Variants in ARSF observed in about 807,000 individuals in gnomAD.
ARSF encodes the protein arylsulfatase F.
ARSF carries 33 observed loss-of-function variants against 35.4 expected under a neutral mutation model. That is an observed-to-expected ratio of 0.93 (90% CI 0.71 to 1.25). The LOEUF (loss-of-function observed/expected upper bound fraction) is 1.25, where lower values mean the gene tolerates loss of function less well. ARSF is among the 50% of genes most tolerant of loss of function. ARSF has a pLI of 0.00. For synonymous variants in ARSF, 222 were observed against 193.1 expected, an observed-to-expected ratio of 1.15 and a Z score of -1.24; for missense variants, 501 against 480.2, an observed-to-expected ratio of 1.04 and a Z score of -0.40.
chrX:3,100,904 G>GT (rs2090371663), intron 7 of ARSF, among the ~76,000 whole-genome samples, 183 bp from the exon 8 acceptor site: 1 of 111,874 alleles, frequency 8.9e-6, no homozygotes, highest in East Asian at 2.8e-4. Flanking sequence ...CTGACTCTCA[G>GT]TTTTTTTCTC....
In ARSF at chrX:3,054,767, G is replaced by A. The variant is rs968169217; in HGVS notation, c.-29+13104G>A. ...TTTTTTTTTTTGGTAGAGTTTTGCT[G>A]TTGTTGCCCAGGCTGGAGTGCAACG... On this transcript the variant is annotated intron_variant, in intron 1 of 10. Coordinates refer to ENST00000381127, the MANE Select transcript of ARSF (RefSeq NM_001201539.2). Among the ~76,000 whole-genome samples the A allele has an allele frequency of 2.8e-5, 3 of 105,586 alleles. No individual in the cohort carries two copies. The Admixed American group carries it at 3.1e-4, about 11-fold the overall frequency. The allele number at this position is 105,586 out of a possible 115,157, so 91.7% of individuals were successfully genotyped here.
chrX:3,102,710 C>T (rs778412405), intron 8 of ARSF, among the ~76,000 whole-genome samples: 7 of 111,661 alleles, frequency 6.3e-5, no homozygotes, highest in South Asian at 3.8e-4. Context: ...GTCAAGAGAT[C>T]GAGACCATCT....
At chrX:3,110,527 C>T (rs901650620) in intron 10 of ARSF, among the ~76,000 whole-genome samples, 1 of 112,272 alleles carries the variant, frequency 8.9e-6, no homozygotes, top group South Asian at 3.7e-4. Context: ...TTTTACTTAT[C>T]GATTACACTT....
rs1447180337 is a variant in ARSF at position 3,084,352 on chromosome X, C to T, written c.516C>T (p.Ser172=). 8 of 1,209,960 alleles carry T rather than the reference C, an allele frequency of 6.6e-6. No homozygotes were observed. Among genetic ancestry groups the T allele is most frequent in the Admixed American group, 4.4e-5 (2 of 45,624 alleles). Residue 172 remains serine, a synonymous_variant, in exon 6 of 11, where the codon AGC becomes AGT. Coordinates refer to ENST00000381127, the MANE Select transcript of ARSF (RefSeq NM_001201539.2). Reference sequence around the variant, plus strand: ...GCATGCCGTTCACTCTCGTTGACAGCTGCTGGCCGGACCCCTCTCGTAACA... The same window carrying T: ...GCATGCCGTTCACTCTCGTTGACAGTTGCTGGCCGGACCCCTCTCGTAACA... The part of the protein sequence containing the change: ...YYGMPFTLVD[S]CWPDPSRNTE...
intron 7 of ARSF, among the ~76,000 whole-genome samples, chrX:3,094,060 C>A (rs2090322365): frequency 8.9e-6 from 1 of 112,025 alleles, no homozygotes; most frequent in Admixed American, 9.5e-5. Context: ...GCCTTTCCAG[C>A]TGGTATAATA....
chrX:3,065,797 A>G (rs73439657), intron 1 of ARSF, among the ~76,000 whole-genome samples: 8,307 of 111,263 alleles, frequency 0.075, 426 homozygotes, highest in African/African-American at 0.19. Flanking sequence ...TCTCTGGTCT[A>G]ATGCAAGATC....
chrX:3,112,637 CT>C lies in ARSF; in HGVS notation c.*84del. On this transcript the variant is annotated 3_prime_UTR_variant, in exon 11 of 11. Transcript: ENST00000381127. ...ATCAGGCTACCAAAGGAAGCACTAACTTTGGTGCTTTCAAGTTGGCAAGGAG... is the reference window on the plus strand; with the variant it reads ...ATCAGGCTACCAAAGGAAGCACTAACTTGGTGCTTTCAAGTTGGCAAGGAG... 4.7e-6 allele frequency: 5 copies of C among 1,059,360 alleles called. No individual in the cohort carries two copies. Among genetic ancestry groups the C allele is most frequent in the Non-Finnish European group, 6.2e-6 (5 of 811,902 alleles). The allele number at this position is 1,059,360 out of a possible 1,213,427, so 87.3% of individuals were successfully genotyped here.
Position 3,074,031 on chromosome X carries a change from A to G in ARSF, c.161+1856A>G, listed in dbSNP as rs762768273. On this transcript the variant is annotated intron_variant, in intron 3 of 10. Coordinates refer to ENST00000381127, the MANE Select transcript of ARSF (RefSeq NM_001201539.2). ...TACACTTTTAAGATCATTGCGTTGT[A>G]TGACTAATAGATGCTGAAGGTAGTC... Among the ~76,000 whole-genome samples the G allele has an allele frequency of 4.2e-4, 46 of 110,723 alleles. 1 individual carries two copies. Among genetic ancestry groups the G allele is most frequent in the African/African-American group, 1.5e-3 (46 of 30,563 alleles).
chrX:3,083,533 TCC>T (rs1358778063), intron 5 of ARSF, among the ~76,000 whole-genome samples: 11 of 108,685 alleles, frequency 1.0e-4, no homozygotes, highest in East Asian at 5.8e-4. Context: ...TATCTATCCA[TCC>T]ATCCATCCAT....
At chrX:3,047,052 G>A (rs1228261979) in intron 1 of ARSF, among the ~76,000 whole-genome samples, 7 of 111,375 alleles carry the variant, frequency 6.3e-5, no homozygotes, top group African/African-American at 1.3e-4. Flanking sequence ...AGCCACGTGC[G>A]GCCCGCGGGC....
chrX:3,101,417 A>G (rs2090375484), intron 8 of ARSF, among the ~76,000 whole-genome samples, 196 bp downstream of exon 8: 1 of 111,937 alleles, frequency 8.9e-6, no homozygotes, highest in Non-Finnish European at 1.9e-5. Context: ...CTGTGGAAGG[A>G]AGCCATTTAT....
At chrX:3,110,298 T>C in intron 10 of ARSF, 46 bp downstream of exon 10, 3 of 1,105,466 alleles carry the variant, frequency 2.7e-6, no homozygotes, top group South Asian at 4.9e-5. Context: ...AGGAGCAGGG[T>C]CACTCAGGTG....
chrX:3,079,449 A>T (rs1353561523), intron 4 of ARSF, among the ~76,000 whole-genome samples: 1 of 103,989 alleles, frequency 9.6e-6, no homozygotes, highest in African/African-American at 3.6e-5. Context: ...GGTTCAAGCG[A>T]TTCTCCTGCC....
rs148276203 is a variant in ARSF at position 3,055,064 on chromosome X, C to T, written c.-28-13009C>T. ...CTGCACTTAAAATCCAATCTTTGGC[C>T]GGGCGCAGTGACTCATGCCTGTAAT... On this transcript the variant is annotated intron_variant, in intron 1 of 10. Transcript: ENST00000381127. 2.0e-3 allele frequency among the ~76,000 whole-genome samples: 211 copies of T among 106,058 alleles called. 2 individuals are homozygous for T. The highest frequency in any genetic ancestry group is 6.1e-3 in the African/African-American group (179 of 29,271). 92.1% of individuals were successfully genotyped at this position (106,058 alleles called of 115,157 possible).
intron 3 of ARSF, 27 bp downstream of exon 3, chrX:3,072,202 C>T (rs754781942): frequency 8.4e-6 from 10 of 1,194,437 alleles, no homozygotes; most frequent in Non-Finnish European, 1.0e-5. Flanking sequence ...GCCAGTCATA[C>T]GTTCGTCAGT....
In ARSF at chrX:3,073,072, C is replaced by T. The variant is rs1055321241; in HGVS notation, c.161+897C>T. On this transcript the variant is annotated intron_variant, in intron 3 of 10. Coordinates refer to ENST00000381127, the MANE Select transcript of ARSF (RefSeq NM_001201539.2). ...AAATATATTTAAATAAATATATAAA[C>T]ATATATTTATATATTTTATAAAAGT... Among the ~76,000 whole-genome samples, 216 of 95,888 alleles carry T rather than the reference C, an allele frequency of 2.3e-3. 1 individual carries two copies. Among genetic ancestry groups the T allele is most frequent in the African/African-American group, 7.8e-3 (209 of 26,660 alleles). 83.3% of individuals were successfully genotyped at this position (95,888 alleles called of 115,157 possible). A position where few individuals can be genotyped will look rare whatever the true frequency, so the allele number is the denominator to read the frequency against.
At chrX:3,099,326 A>G (rs1193471078) in intron 7 of ARSF, among the ~76,000 whole-genome samples, 1 of 111,127 alleles carries the variant, frequency 9.0e-6, no homozygotes, top group Non-Finnish European at 1.9e-5. Context: ...ACAAACAAAA[A>G]CCAACCAACA....
intron 1 of ARSF, among the ~76,000 whole-genome samples, chrX:3,049,568 A>T (rs1302718544): frequency 8.9e-6 from 1 of 111,843 alleles, no homozygotes; most frequent in Non-Finnish European, 1.9e-5. Flanking sequence ...TCCACAAAAA[A>T]TTTCTTTGTG....
chrX:3,092,161 G>C (rs1021207604), intron 7 of ARSF, among the ~76,000 whole-genome samples: 6 of 85,778 alleles, frequency 7.0e-5, no homozygotes, highest in Admixed American at 1.4e-4. Flanking sequence ...TAGGTAGGTA[G>C]ATAGATGATA....
Sources: allele counts gnomAD v4.1 joint callset (sites outside exome capture counted in the v4.1 genomes callset), GRCh38; gene constraint gnomAD v4.1.1; transcripts MANE v1.5; gene names NCBI Gene and HGNC (gene_info 2026-07-23, HGNC 2026-07-21).